The following ICE2 variants were observed in gnomAD, a reference collection of about 807,000 sequenced individuals.
The protein encoded by ICE2 is little elongation complex subunit 2.
In ICE2, 87 loss-of-function variants were observed where a neutral mutation model predicts 105.4. The ratio of observed to expected loss-of-function variants is 0.83; its 90% CI spans 0.69 to 0.99. The LOEUF is 0.99. Among genes scored for constraint, ICE2 ranks in the 50% least tolerant of loss-of-function variants. The pLI, the probability that ICE2 is intolerant of heterozygous loss-of-function variation, is 0.00. For missense variants in ICE2, 1,323 were observed against 1,146.7 expected (o/e 1.15, Z -2.22); for synonymous variants, 399 against 392.0 (o/e 1.02, Z -0.21).
At chr15:60,448,314 C>T (rs1390925908) in intron 10 of ICE2, among the ~76,000 whole-genome samples, 169 bp from the exon 11 acceptor site, 1 of 152,196 alleles carries the variant, frequency 6.6e-6, no homozygotes, top group Non-Finnish European at 1.5e-5. Context: ...TTTACTGGAA[C>T]TGCAGTAAGA....
intron 12 of ICE2, 152 bp downstream of exon 12, chr15:60,442,264 G>A (rs1246574756): frequency 1.5e-6 from 1 of 653,760 alleles, no homozygotes; most frequent in African/African-American, 1.9e-5. Context: ...CTATACTCCA[G>A]CCTGGGCAAC....
intron 3 of ICE2, among the ~76,000 whole-genome samples, chr15:60,469,415 C>T (rs748984619): frequency 1.3e-5 from 2 of 151,948 alleles, no homozygotes; most frequent in Non-Finnish European, 2.9e-5. Flanking sequence ...ACGTAACAAA[C>T]CAGCGCATCC....
chr15:60,470,608 A>G (rs1326501115), intron 3 of ICE2, among the ~76,000 whole-genome samples: 1 of 152,204 alleles, frequency 6.6e-6, no homozygotes, highest in African/African-American at 2.4e-5. Context: ...AAATAAGTCT[A>G]GTCTGTTATT....
intron 12 of ICE2, chr15:60,439,921 C>T (rs2063683447): frequency 6.6e-6 from 1 of 152,228 alleles, no homozygotes; most frequent in Non-Finnish European, 1.5e-5. Flanking sequence ...TTTGCTATTT[C>T]CTCTGTAATT....
rs1358050199 is a variant in ICE2, at chr15:60,477,981, C to T, written c.-4G>A. 1 of 1,614,008 alleles carries T rather than the reference C, an allele frequency of 6.2e-7. No homozygotes were observed. Among genetic ancestry groups the T allele is most frequent in the Non-Finnish European group, 8.5e-7 (1 of 1,179,898 alleles). On this transcript the variant is annotated 5_prime_UTR_variant, in exon 2 of 16. Transcript: ENST00000261520. ...TTATGACCATCTTGGAGCTCATCTT[C>T]CTAGATTTCTGCTTCACTCTAGCTC...
At chr15:60,436,709 A>G (rs1051307803) in intron 12 of ICE2, among the ~76,000 whole-genome samples, 3 of 115,258 alleles carry the variant, frequency 2.6e-5, no homozygotes, top group Admixed American at 2.2e-4. Flanking sequence ...TGACAGAGCC[A>G]GACTCTGTCT....
In ICE2 at chr15:60,449,190, C is replaced by G; in HGVS notation, c.1777G>C (p.Ala593Pro). 6.2e-7 allele frequency: 1 copy of G among 1,614,108 alleles called. No individual in the cohort carries two copies. Among genetic ancestry groups the G allele is most frequent in the South Asian group, 1.1e-5 (1 of 91,082 alleles). Residue 593 changes from alanine (A) to proline (P), a missense_variant, in exon 10 of 16, where the codon GCT (alanine) becomes CCT (proline). By Grantham distance (27) the Ala-to-Pro change is conservative. Coordinates refer to ENST00000261520, the MANE Select transcript of ICE2 (RefSeq NM_024611.6). ...ECKNNSDGKTAVVGSNLSSRP... is the reference protein window; with the variant it reads ...ECKNNSDGKTPVVGSNLSSRP... ...GAACTTAAGTTAGAACCCACAACAG[C>G]TGTCTTTCCATCACTATTATTTTTA...
intron 5 of ICE2, among the ~76,000 whole-genome samples, chr15:60,460,357 G>A (rs557106274): frequency 5.3e-5 from 8 of 152,348 alleles, no homozygotes; most frequent in African/African-American, 1.9e-4. Context: ...AATTAGCTGG[G>A]TGTGGTAGCA....
intron 13 of ICE2, 23 bp from the exon 14 acceptor site, chr15:60,432,007 G>A (rs1324567150): frequency 3.7e-6 from 5 of 1,345,172 alleles, no homozygotes; most frequent in Non-Finnish European, 4.2e-6. Context: ...AGAAATTCAT[G>A]TAAAATTAAA....
At chr15:60,478,655 G>A (rs1326406374) in intron 1 of ICE2, 1 of 332,292 alleles carries the variant, frequency 3.0e-6, no homozygotes, top group Non-Finnish European at 6.0e-6. Flanking sequence ...AGTGACCTGC[G>A]AGAACCTAAT....
At chr15:60,456,541 A>AAG (rs2064119025) in intron 6 of ICE2, 116 bp downstream of exon 6, 1 of 34,014 alleles carries the variant, frequency 2.9e-5, no homozygotes, top group Non-Finnish European at 7.3e-5. Context: ...CTCTGTCTCC[A>AAG]AAAAAAAAAA....
intron 8 of ICE2, among the ~76,000 whole-genome samples, chr15:60,454,531 T>C (rs550370116): frequency 6.6e-6 from 1 of 152,140 alleles, no homozygotes; most frequent in East Asian, 1.9e-4. Flanking sequence ...TAGACCTAAT[T>C]AATTCATTTA....
At chr15:60,456,406 T>C (rs2064112129) in intron 6 of ICE2, among the ~76,000 whole-genome samples, 1 of 149,268 alleles carries the variant, frequency 6.7e-6, no homozygotes. Context: ...CAGCCAGGCT[T>C]GGTGGCAGGC....
intron 3 of ICE2, among the ~76,000 whole-genome samples, chr15:60,472,071 G>C (rs571798433): frequency 6.6e-6 from 1 of 151,096 alleles, no homozygotes; most frequent in Non-Finnish European, 1.5e-5. Context: ...AAAGGTAATC[G>C]TTTACAGTGG....
At chr15:60,445,753 AAG>A (rs2063809066) in intron 11 of ICE2, 1 of 985,268 alleles carries the variant, frequency 1.0e-6, no homozygotes, top group Non-Finnish European at 1.2e-6. Context: ...ATTCTTACTT[AAG>A]AGATACCGGC....
intron 14 of ICE2, among the ~76,000 whole-genome samples, chr15:60,431,334 A>G (rs907080958): frequency 6.6e-6 from 1 of 152,138 alleles, no homozygotes; most frequent in Non-Finnish European, 1.5e-5. Flanking sequence ...AAGGATTTTG[A>G]GATGAGGGGA....
In ICE2 at chr15:60,421,001, G is replaced by T. The variant is rs2063237694; in HGVS notation, c.*2633C>A. The T allele has an allele frequency of 6.6e-6, 1 of 151,562 alleles. No homozygotes were observed. Among genetic ancestry groups the T allele is most frequent in the African/African-American group, 2.4e-5 (1 of 40,886 alleles). The allele number at this position is 151,562 out of a possible 1,614,324, so 9.4% of individuals were successfully genotyped here. ...TAATCTATAAGAAAAGAAAATCAAA[G>T]AAACAAATAAATATGGTGAGATCTG... On this transcript the variant is annotated 3_prime_UTR_variant, in exon 16 of 16. Transcript: ENST00000261520.
intron 2 of ICE2, among the ~76,000 whole-genome samples, chr15:60,476,941 T>A (rs1036146332): frequency 6.6e-6 from 1 of 152,180 alleles, no homozygotes; most frequent in Admixed American, 6.5e-5. Context: ...CAAGAGCATC[T>A]GTGCTACATC....
chr15:60,478,758 G>T (rs1446848519), intron 1 of ICE2: 4 of 353,394 alleles, frequency 1.1e-5, no homozygotes, highest in Non-Finnish European at 2.3e-5. Flanking sequence ...GGAGCTGGGG[G>T]GGAATAGTCG....
Sources: allele counts gnomAD v4.1 joint callset (sites outside exome capture counted in the v4.1 genomes callset), GRCh38; gene constraint gnomAD v4.1.1; transcripts MANE v1.5; gene names NCBI Gene and HGNC (gene_info 2026-07-23, HGNC 2026-07-21).